Variants in FERMT1 observed in about 807,000 individuals in gnomAD.
The protein encoded by FERMT1 is fermitin family homolog 1.
In FERMT1, 60 loss-of-function variants were observed where a neutral mutation model predicts 85.3. That is an observed-to-expected ratio of 0.70 (90% CI 0.57 to 0.87). The LOEUF is 0.87. FERMT1 is among the 40% of genes least tolerant of loss of function. The pLI is 0.00. For missense variants in FERMT1, 701 were observed against 818.9 expected, an observed-to-expected ratio of 0.86 and a Z score of 1.76; for synonymous variants, 275 against 301.1, an observed-to-expected ratio of 0.91 and a Z score of 0.90.
intron 8 of FERMT1, among the ~76,000 whole-genome samples, chr20:6,095,840 A>G (rs987412017): frequency 1.2e-4 from 19 of 152,310 alleles, no homozygotes; most frequent in African/African-American, 4.3e-4. Flanking sequence ...ACATTTAATG[A>G]TAAGAGAACA....
chr20:6,107,052 T>C (rs1021177443), intron 6 of FERMT1, among the ~76,000 whole-genome samples: 1 of 152,020 alleles, frequency 6.6e-6, no homozygotes, highest in African/African-American at 2.4e-5. Context: ...AAAAATTAGC[T>C]GGGCATGGTT....
In FERMT1 at chr20:6,110,371, G is replaced by A. The variant is rs1052943472; in HGVS notation, c.673C>T (p.Pro225Ser). The A allele has an allele frequency of 8.7e-6, 14 of 1,613,860 alleles. No homozygotes were observed. The highest frequency in any genetic ancestry group is 6.7e-5 in the African/African-American group (5 of 74,898). ...TCCGCAAGTGCTTCTGGGGACTGGGGGGGTTGGCTGAATGCGAGGATGCTG... is the reference window on the plus strand; with the variant it reads ...TCCGCAAGTGCTTCTGGGGACTGGGAGGGTTGGCTGAATGCGAGGATGCTG... ...NCSILAFSQPPQSPEALADMY... is the reference protein window; with the variant it reads ...NCSILAFSQPSQSPEALADMY... The change falls in exon 5 of 15, where the codon CCC (proline) becomes TCC (serine). Residue 225 changes from proline to serine, a missense_variant. Pro to Ser is a moderately conservative substitution (Grantham distance 74). Transcript: ENST00000217289.
chr20:6,098,587 T>G (rs1457814077), intron 6 of FERMT1, among the ~76,000 whole-genome samples: 1 of 151,394 alleles, frequency 6.6e-6, no homozygotes, highest in Non-Finnish European at 1.5e-5. Context: ...AATTTTATAT[T>G]AAAATATAAA....
intron 2 of FERMT1, 42 bp downstream of exon 2, chr20:6,119,361 AG>A (rs1983199371): frequency 8.1e-6 from 13 of 1,602,026 alleles, no homozygotes; most frequent in Non-Finnish European, 1.1e-5. Flanking sequence ...TGCACCAGAC[AG>A]GGTTTCTAAT....
At position 6,112,631 on chromosome 20, in the gene FERMT1, T is replaced by G; in HGVS notation, c.386-8A>C. 2.6e-6 allele frequency: 4 copies of G among 1,512,462 alleles called. No individual in the cohort carries two copies. The highest frequency in any genetic ancestry group is 2.7e-6 in the Non-Finnish European group (3 of 1,121,240). 93.7% of individuals were successfully genotyped at this position (1,512,462 alleles called of 1,614,324 possible). A position where few individuals can be genotyped will look rare whatever the true frequency, so the allele number is the denominator to read the frequency against. On this transcript the variant is annotated splice_region_variant and splice_polypyrimidine_tract_variant and intron_variant, in intron 3 of 14. Transcript: ENST00000217289. Reference sequence around the variant, plus strand: ...CTTCTGATCTTCTAATATCTAGAAATAAATATTTTTTAAAAATGAAGAAAA... The same window carrying G: ...CTTCTGATCTTCTAATATCTAGAAAGAAATATTTTTTAAAAATGAAGAAAA...
chr20:6,110,679 T>G (rs956372550), intron 4 of FERMT1, among the ~76,000 whole-genome samples, 168 bp from the exon 5 acceptor site: 27 of 152,174 alleles, frequency 1.8e-4, no homozygotes, highest in Admixed American at 1.3e-4. Context: ...TAATCCTAGC[T>G]ACTTGGGAGG....
chr20:6,091,825 T>A (rs539042827), intron 9 of FERMT1, among the ~76,000 whole-genome samples: 154 of 152,164 alleles, frequency 1.0e-3, no homozygotes, highest in Middle Eastern at 6.8e-3. Flanking sequence ...TTGCTGCTGC[T>A]CTATGCAGCA....
At chr20:6,084,399 G>A (rs1982103077) in intron 12 of FERMT1, among the ~76,000 whole-genome samples, 1 of 152,194 alleles carries the variant, frequency 6.6e-6, no homozygotes, top group Non-Finnish European at 1.5e-5. Flanking sequence ...TGCAGTTGGA[G>A]AGCTCTGGGG....
At chr20:6,094,155 G>A (rs1241843459) in intron 9 of FERMT1, 1 of 152,172 alleles carries the variant, frequency 6.6e-6, no homozygotes, top group East Asian at 1.9e-4. Context: ...GTTATCAAAA[G>A]CAACTTGTGT....
At position 6,077,332 on chromosome 20, in the gene FERMT1, A is replaced by T; in HGVS notation, c.1875T>A (p.Phe625Leu). ...NWETRQVVIE[F>L]DQNVFTAFTC... is the part of the protein sequence containing the mutation. Reference sequence around the variant, plus strand: ...TGAAAGCAGTAAAGACGTTTTGGTCAAACTCGATGACCACCTGGAAGAGGA... The same window carrying T: ...TGAAAGCAGTAAAGACGTTTTGGTCTAACTCGATGACCACCTGGAAGAGGA... Residue 625 changes from phenylalanine to leucine, a missense_variant, in exon 15 of 15, where the codon TTT (phenylalanine) becomes TTA (leucine). By Grantham distance (22) the Phe-to-Leu change is conservative. Transcript: ENST00000217289. 6.2e-7 allele frequency: 1 copy of T among 1,614,186 alleles called. No individual in the cohort carries two copies. The highest frequency in any genetic ancestry group is 8.5e-7 in the Non-Finnish European group (1 of 1,180,030).
In FERMT1 at chr20:6,110,367, T is replaced by TG. The variant is rs748240859; in HGVS notation, c.676dup (p.Gln226ProfsTer17). 15 of 1,613,626 alleles carry TG rather than the reference T, an allele frequency of 9.3e-6. No individual in the cohort carries two copies. The highest frequency in any genetic ancestry group is 2.2e-5 in the South Asian group (2 of 91,064). On this transcript the variant is annotated frameshift_variant, in exon 5 of 15. Transcript: ENST00000217289. LOFTEE classifies it high-confidence loss of function. ...CATATCCGCAAGTGCTTCTGGGGACTGGGGGGGTTGGCTGAATGCGAGGAT... is the reference window on the plus strand; with the variant it reads ...CATATCCGCAAGTGCTTCTGGGGACTGGGGGGGGTTGGCTGAATGCGAGGAT...
chr20:6,092,750 C>A (rs1452251826), intron 9 of FERMT1, among the ~76,000 whole-genome samples: 2 of 152,184 alleles, frequency 1.3e-5, no homozygotes, highest in Non-Finnish European at 2.9e-5. Flanking sequence ...TCAGTTCTCA[C>A]TTCCTGCTTC....
intron 12 of FERMT1, 90 bp from the exon 13 acceptor site, chr20:6,084,254 C>T (rs1220859669): frequency 2.9e-6 from 4 of 1,400,968 alleles, no homozygotes; most frequent in Non-Finnish European, 3.9e-6. Context: ...AAGAACAATA[C>T]ACTCAAGGTC....
chr20:6,079,326 GT>G, intron 14 of FERMT1, 109 bp downstream of exon 14: 1 of 1,163,648 alleles, frequency 8.6e-7, no homozygotes, highest in South Asian at 1.2e-5. Flanking sequence ...TATGCTTGTG[GT>G]TTCTTAGGTC....
At chr20:6,079,806 GAGA>G (rs1437450905) in intron 13 of FERMT1, among the ~76,000 whole-genome samples, 1 of 152,190 alleles carries the variant, frequency 6.6e-6, no homozygotes, top group African/African-American at 2.4e-5. Context: ...TGACATCAGA[GAGA>G]AGAAAAATAA....
At chr20:6,094,127 TC>T (rs1982438850) in intron 9 of FERMT1, 1 of 152,252 alleles carries the variant, frequency 6.6e-6, no homozygotes, top group Non-Finnish European at 1.5e-5. Context: ...TCTTTCTAAT[TC>T]TTTCTTTGCA....
rs1002519154 is a variant in FERMT1, at chr20:6,075,826, G to C, written c.*1347C>G. The stretch of plus-strand genomic sequence containing the variant: ...GTTCTTTGTGTGGCAGAACATCTAT[G>C]AAAAAATAATAAAATATTGTCTGAT... On this transcript the variant is annotated 3_prime_UTR_variant, in exon 15 of 15. Coordinates refer to ENST00000217289, the MANE Select transcript of FERMT1 (RefSeq NM_017671.5). The C allele has an allele frequency of 2.6e-5, 4 of 152,328 alleles. No individual in the cohort carries two copies. Among genetic ancestry groups the C allele is most frequent in the African/African-American group, 9.7e-5 (4 of 41,448 alleles). 9.4% of individuals were successfully genotyped at this position (152,328 alleles called of 1,614,324 possible). A position where few individuals can be genotyped will look rare whatever the true frequency, so the allele number is the denominator to read the frequency against.
intron 5 of FERMT1, among the ~76,000 whole-genome samples, chr20:6,108,669 G>T (rs1371118138): frequency 6.6e-6 from 1 of 152,092 alleles, no homozygotes; most frequent in African/African-American, 2.4e-5. Context: ...AATTAGCCAG[G>T]TGTTGTGGCA....
chr20:6,105,743 A>C (rs888384434), intron 6 of FERMT1, among the ~76,000 whole-genome samples: 4 of 152,246 alleles, frequency 2.6e-5, no homozygotes, highest in Admixed American at 2.6e-4. Context: ...CTCAGTACCC[A>C]GCTTAGTTCT....
Sources: gnomAD v4.1 joint callset for allele counts (sites outside exome capture counted in the v4.1 genomes callset) on GRCh38, gnomAD v4.1.1 for gene constraint, MANE v1.5 for transcripts, NCBI Gene and HGNC (gene_info 2026-07-23, HGNC 2026-07-21) for gene names.